Variants in DAPK2 observed in about 807,000 individuals in gnomAD.
The protein encoded by DAPK2 is death-associated protein kinase 2.
In DAPK2, 35 loss-of-function variants were observed where a neutral mutation model predicts 44.1. The ratio of observed to expected loss-of-function variants is 0.79; its 90% confidence interval spans 0.61 to 1.05. The LOEUF (loss-of-function observed/expected upper bound fraction) is 1.05. DAPK2 is among the 50% of genes least tolerant of loss of function. The probability of loss-of-function intolerance (pLI) is 0.00; values close to 1 mark genes in which losing one functional copy is unlikely to be tolerated. For missense variants in DAPK2, 453 were observed against 483.2 expected, an observed-to-expected ratio of 0.94 and a Z score of 0.59; for synonymous variants, 174 against 182.6, an observed-to-expected ratio of 0.95 and a Z score of 0.38.
At chr15:64,003,180 C>T (rs1224575552) in intron 1 of DAPK2, among the ~76,000 whole-genome samples, 1 of 152,022 alleles carries the variant, frequency 6.6e-6, no homozygotes, top group East Asian at 1.9e-4. Context: ...AGGGGAGACC[C>T]CTTGAGGATA....
intron 3 of DAPK2, among the ~76,000 whole-genome samples, chr15:63,940,857 CA>C (rs1396724320): frequency 6.6e-6 from 1 of 151,996 alleles, no homozygotes; most frequent in Non-Finnish European, 1.5e-5. Flanking sequence ...TCCATTGATA[CA>C]AAATACCCAG....
intron 1 of DAPK2, among the ~76,000 whole-genome samples, chr15:64,023,188 A>C (rs1595903467): frequency 1.3e-5 from 2 of 152,208 alleles, no homozygotes; most frequent in Admixed American, 1.3e-4. Flanking sequence ...AGGGATATCC[A>C]CAACATGCTG....
intron 1 of DAPK2, chr15:64,030,154 G>T (rs1232723696): frequency 1.3e-5 from 2 of 152,272 alleles, no homozygotes; most frequent in African/African-American, 4.8e-5. Flanking sequence ...AGCTGTGAGT[G>T]GCGGGTGCCT....
intron 1 of DAPK2, among the ~76,000 whole-genome samples, chr15:63,992,152 A>T (rs2078838349): frequency 6.6e-6 from 1 of 152,172 alleles, no homozygotes; most frequent in African/African-American, 2.4e-5. Flanking sequence ...TTGTCAAATG[A>T]GCTCAAGCCT....
rs967638434 is a variant in DAPK2 at position 63,912,280 on chromosome 15, C to T, written c.859-83G>A. 2.7e-5 allele frequency: 37 copies of T among 1,378,686 alleles called. No homozygotes were observed. In the Admixed American group the frequency reaches 4.0e-4, roughly 15 times the overall value. 85.4% of individuals were successfully genotyped at this position (1,378,686 alleles called of 1,614,324 possible). On this transcript the variant is annotated intron_variant, in intron 8 of 10. Transcript: ENST00000261891. The surrounding 1 kb of genome is among the most constrained non-coding windows in gnomAD (Gnocchi z 4.4). ...CCTCGCCGCAGAACTCCCCACCCAC[C>T]GCATGCCCACCGCCCTTGGCTTGAC... is the stretch of plus-strand genomic sequence containing the variant.
At chr15:64,042,954 C>G (rs1464061020), upstream of DAPK2, among the ~76,000 whole-genome samples, 6 of 152,256 alleles carry the variant, frequency 3.9e-5, no homozygotes, top group South Asian at 2.1e-4. This position sits in a 1 kb window ranked among gnomAD's most constrained non-coding sequence, Gnocchi z 4.7. Context: ...CTCTTCATAC[C>G]TTTTTAGGGT....
upstream of DAPK2, among the ~76,000 whole-genome samples, chr15:64,045,114 T>G (rs1020769970): frequency 6.6e-6 from 1 of 152,130 alleles, no homozygotes; most frequent in Admixed American, 6.5e-5. Flanking sequence ...ACCCCACAGC[T>G]AACAAATCGG....
chr15:63,949,169 G>T (rs1399656837), intron 3 of DAPK2, among the ~76,000 whole-genome samples: 1 of 152,182 alleles, frequency 6.6e-6, no homozygotes, highest in Non-Finnish European at 1.5e-5. Flanking sequence ...GAACTCAGTT[G>T]CACTTGGATT....
intron 8 of DAPK2, chr15:63,922,954 C>T: frequency 1.3e-6 from 2 of 1,535,804 alleles, no homozygotes; most frequent in Admixed American, 2.0e-5. Context: ...GTTTCCTGGC[C>T]ATGCTTCCGA....
intron 1 of DAPK2, among the ~76,000 whole-genome samples, chr15:64,018,747 G>T (rs2079603823): frequency 1.3e-5 from 2 of 152,200 alleles, no homozygotes; most frequent in African/African-American, 4.8e-5. Flanking sequence ...TACTCCAAAG[G>T]TCCTCAGTCC....
At position 63,911,903 on chromosome 15, in the gene DAPK2, C is replaced by T; in HGVS notation, c.1032+5G>A. ...TGCCCAAGAAGAGGGCATGCATTTA[C>T]CCACCAGGTCCTCATCCGGCCTCAG... is the stretch of plus-strand genomic sequence containing the variant. On this transcript the variant is annotated splice_donor_5th_base_variant and intron_variant, in intron 10 of 10. Coordinates refer to ENST00000261891, the Ensembl canonical transcript of DAPK2. 2 of 1,612,876 alleles carry T rather than the reference C, an allele frequency of 1.2e-6. No homozygotes were observed. Among genetic ancestry groups the T allele is most frequent in the Non-Finnish European group, 1.7e-6 (2 of 1,179,554 alleles).
At chr15:63,929,687 G>C (rs750258279) in intron 5 of DAPK2, 110 bp from the exon 7 acceptor site, 1 of 1,280,848 alleles carries the variant, frequency 7.8e-7, no homozygotes, top group African/African-American at 1.5e-5. Context: ...CTCCACAGCA[G>C]ACCCTGGATG....
At chr15:64,019,981 G>A (rs1428786073) in intron 1 of DAPK2, among the ~76,000 whole-genome samples, 1 of 152,154 alleles carries the variant, frequency 6.6e-6, no homozygotes, top group Non-Finnish European at 1.5e-5. Flanking sequence ...CTAAAAACAG[G>A]CACTGGTCAC....
intron 3 of DAPK2, among the ~76,000 whole-genome samples, chr15:63,943,413 G>C (rs1314703048): frequency 6.6e-6 from 1 of 152,126 alleles, no homozygotes; most frequent in Non-Finnish European, 1.5e-5. Flanking sequence ...TGGCAACAGA[G>C]TGAGACCCTG....
Position 63,923,024 on chromosome 15 carries a change from C to T in DAPK2, c.858+1792G>A, listed in dbSNP as rs1165916607. The T allele has an allele frequency of 1.3e-5, 20 of 1,535,732 alleles. No homozygotes were observed. Among genetic ancestry groups the T allele is most frequent in the Admixed American group, 3.9e-5 (2 of 50,960 alleles). On this transcript the variant is annotated intron_variant, in intron 8 of 10. Transcript: ENST00000261891. The surrounding 1 kb of genome is among the most constrained non-coding windows in gnomAD (Gnocchi z 4.2). ...CAGCTTCTTCAATGACTCCACCTTG[C>T]GGAACTCATACCTGAGCTGGGACAG...
chr15:63,930,168 C>T (rs2079491193), intron 5 of DAPK2, among the ~76,000 whole-genome samples: 3 of 152,206 alleles, frequency 2.0e-5, no homozygotes, highest in Admixed American at 2.0e-4. Flanking sequence ...TCCTCTTGCT[C>T]CTCCATTCCT....
rs148332774 is a variant in DAPK2 at position 63,940,531 on chromosome 15, C to G, written c.454-1170G>C. ...TTTGAGACCAGCCCGGCCAACATGG[C>G]AAAACCCCTGTCTCTACTAAAAATA... On this transcript the variant is annotated intron_variant, in intron 3 of 10. Transcript: ENST00000261891. Among the ~76,000 whole-genome samples, 86 of 152,096 alleles carry G rather than the reference C, an allele frequency of 5.7e-4. No individual in the cohort carries two copies. In the East Asian group the frequency reaches 0.017, roughly 29 times the overall value.
At chr15:63,948,180 A>C (rs969614939) in intron 3 of DAPK2, among the ~76,000 whole-genome samples, 1 of 143,402 alleles carries the variant, frequency 7.0e-6, no homozygotes, top group Non-Finnish European at 1.5e-5. Flanking sequence ...CTGAGGTAGG[A>C]GAATCGCTTG....
chr15:63,967,957 TG>T (rs765914085), intron 3 of DAPK2, among the ~76,000 whole-genome samples: 1 of 152,178 alleles, frequency 6.6e-6, no homozygotes, highest in Non-Finnish European at 1.5e-5. Flanking sequence ...GCTGTGTTCC[TG>T]GGGCAGTAAG....
Sources: gnomAD v4.1 joint callset for allele counts (sites outside exome capture counted in the v4.1 genomes callset) on GRCh38, gnomAD v4.1.1 for gene constraint, Gnocchi (gnomAD v3.1) non-coding constraint, MANE v1.5 for transcripts, NCBI Gene and HGNC (gene_info 2026-07-23, HGNC 2026-07-21) for gene names.